The following EPN1 variants were observed in gnomAD, a reference collection of about 807,000 sequenced individuals.
EPN1 encodes the protein epsin-1.
EPN1 carries 25 observed loss-of-function variants against 56.9 expected under a neutral mutation model. The observed-to-expected ratio is 0.44, with a 90% confidence interval of 0.32 to 0.61. EPN1 has a LOEUF of 0.61. EPN1 is among the 20% of genes least tolerant of loss of function. EPN1 has a pLI of 0.05. For synonymous variants in EPN1, 411 were observed against 361.8 expected, an observed-to-expected ratio of 1.14 and a Z score of -1.54; for missense variants, 785 against 823.7, an observed-to-expected ratio of 0.95 and a Z score of 0.58.
At chr19:55,686,776 C>T (rs552659167) in intron 3 of EPN1, among the ~76,000 whole-genome samples, 8 of 151,214 alleles carry the variant, frequency 5.3e-5, no homozygotes, top group East Asian at 2.0e-4. Context: ...GGAGTGTAGG[C>T]GGCAGAGAGG....
rs1385415963 is a variant in EPN1 at position 55,706,714 on chromosome 19, T to TA, written c.*11364dup. On this transcript the variant is annotated 3_prime_UTR_variant, in exon 11 of 11. Transcript: ENST00000270460. The stretch of plus-strand genomic sequence containing the variant: ...TAAAAAACAATAGTAAAGAGAGATT[T>TA]AAAAAACAATAGTAAAGAGAGATTA... 6 of 150,280 alleles carry TA rather than the reference T, an allele frequency of 4.0e-5. No homozygotes were observed. The highest frequency in any genetic ancestry group is 3.3e-4 in the Admixed American group (5 of 15,068). The allele number at this position is 150,280 out of a possible 1,614,324, so 9.3% of individuals were successfully genotyped here.
At chr19:55,678,453 C>T (rs1985581988) in intron 1 of EPN1, 74 bp from the exon 2 acceptor site, 9 of 1,403,012 alleles carry the variant, frequency 6.4e-6, no homozygotes, top group Non-Finnish European at 8.5e-6. Context: ...CAGTTAGGAA[C>T]TCATCTTTGA....
At chr19:55,687,874 G>A (rs1026594689) in intron 3 of EPN1, among the ~76,000 whole-genome samples, 2 of 152,214 alleles carry the variant, frequency 1.3e-5, no homozygotes, top group African/African-American at 4.8e-5. Context: ...CCCTGGACCC[G>A]GTGCAGGTGG....
rs1462713228 is a variant in EPN1, at chr19:55,702,494, G to A, written c.*7138G>A. The stretch of plus-strand genomic sequence containing the variant: ...TCACTGGGGCCCATCTATGTATGTG[G>A]CTTGGTGATTACCCAGGAACCTCCC... On this transcript the variant is annotated 3_prime_UTR_variant, in exon 11 of 11. Coordinates refer to ENST00000270460, the MANE Select transcript of EPN1 (RefSeq NM_001130072.2). The A allele has an allele frequency of 6.6e-6, 1 of 152,172 alleles. No individual in the cohort carries two copies. The highest frequency in any genetic ancestry group is 6.5e-5 in the Admixed American group (1 of 15,282). 9.4% of individuals were successfully genotyped at this position (152,172 alleles called of 1,614,324 possible).
At position 55,695,737 on chromosome 19, in the gene EPN1, G is replaced by C. The variant is rs951597987; in HGVS notation, c.*381G>C. The C allele has an allele frequency of 9.7e-6, 2 of 205,200 alleles. No individual in the cohort carries two copies. The highest frequency in any genetic ancestry group is 4.6e-5 in the African/African-American group (2 of 43,300). 12.7% of individuals were successfully genotyped at this position (205,200 alleles called of 1,614,324 possible). ...CTTGGTGATGATTTTGGCAACTTTG[G>C]GAATAAATGGCAATTCCCACGGGCT... On this transcript the variant is annotated 3_prime_UTR_variant, in exon 11 of 11. Transcript: ENST00000270460. The surrounding 1 kb of genome is among the most constrained non-coding windows in gnomAD (Gnocchi z 4.4).
At chr19:55,690,402 G>A (rs749801223) in intron 6 of EPN1, among the ~76,000 whole-genome samples, 1 of 152,244 alleles carries the variant, frequency 6.6e-6, no homozygotes, top group Non-Finnish European at 1.5e-5. Flanking sequence ...CGCGAACACT[G>A]TTTCTGTGGC....
rs904639011 is a variant in EPN1 at position 55,707,180 on chromosome 19, C to G, written c.*11824C>G. The G allele has an allele frequency of 2.7e-5, 4 of 146,136 alleles. No homozygotes were observed. Among genetic ancestry groups the G allele is most frequent in the Admixed American group, 2.7e-4 (4 of 14,664 alleles). 9.1% of individuals were successfully genotyped at this position (146,136 alleles called of 1,614,324 possible). A position where few individuals can be genotyped will look rare whatever the true frequency, so the allele number is the denominator to read the frequency against. On this transcript the variant is annotated 3_prime_UTR_variant, in exon 11 of 11. Coordinates refer to ENST00000270460, the MANE Select transcript of EPN1 (RefSeq NM_001130072.2). ...TGGGCGAGCAACAGAGTGAGGCTGTCTCTCAAAAAAAAAAAAAAAGGAACG... is the reference window on the plus strand; with the variant it reads ...TGGGCGAGCAACAGAGTGAGGCTGTGTCTCAAAAAAAAAAAAAAAGGAACG...
chr19:55,685,959 C>A (rs1459895131), intron 3 of EPN1, among the ~76,000 whole-genome samples: 1 of 152,358 alleles, frequency 6.6e-6, no homozygotes, highest in East Asian at 1.9e-4. Context: ...GGACAGGGCT[C>A]TGAGGGGACA....
intron 1 of EPN1, among the ~76,000 whole-genome samples, chr19:55,675,896 A>G (rs1985379175): frequency 6.6e-6 from 1 of 151,890 alleles, no homozygotes; most frequent in African/African-American, 2.4e-5. Flanking sequence ...TTGCCCCCAT[A>G]CCTATCACCT....
At chr19:55,680,494 TTCC>T (rs1985738782) in intron 2 of EPN1, among the ~76,000 whole-genome samples, 1 of 152,162 alleles carries the variant, frequency 6.6e-6, no homozygotes. Flanking sequence ...GAACCACTGG[TTCC>T]TCATGCTGGG....
In EPN1 at chr19:55,694,516, C is replaced by G. The variant is rs1281028851; in HGVS notation, c.1265-210C>G. On this transcript the variant is annotated intron_variant, in intron 9 of 10. Transcript: ENST00000270460. This position sits in a 1 kb window ranked among gnomAD's most constrained non-coding sequence, Gnocchi z 4.2. The stretch of plus-strand genomic sequence containing the variant: ...CTGTCATCCCTCTTGTGTTTGCTCA[C>G]TGGAATCAGACCCACCTTATGGGAA... 2.0e-6 allele frequency: 1 copy of G among 491,132 alleles called. No individual in the cohort carries two copies. Among genetic ancestry groups the G allele is most frequent in the Non-Finnish European group, 3.4e-6 (1 of 290,606 alleles). The allele number at this position is 491,132 out of a possible 1,614,324, so 30.4% of individuals were successfully genotyped here.
At chr19:55,688,013 T>A (rs1381933882) in intron 3 of EPN1, among the ~76,000 whole-genome samples, 1 of 152,038 alleles carries the variant, frequency 6.6e-6, no homozygotes, top group East Asian at 1.9e-4. Flanking sequence ...CAAGGCGGCG[T>A]CTTGGAGCTG....
Position 55,689,816 on chromosome 19 carries a change from G to T in EPN1, c.679-51G>T. 6.5e-7 allele frequency: 1 copy of T among 1,538,504 alleles called. No individual in the cohort carries two copies. The highest frequency in any genetic ancestry group is 1.4e-5 in the African/African-American group (1 of 73,252). ...GGGCTTCCAGGCTGAGGTGGCATCT[G>T]CCCGTGGCTCACGTTCTCATGTCTC... On this transcript the variant is annotated intron_variant, in intron 5 of 10. Transcript: ENST00000270460. The surrounding 1 kb of genome is among the most constrained non-coding windows in gnomAD (Gnocchi z 5.7).
At position 55,689,240 on chromosome 19, in the gene EPN1, C is replaced by A. The variant is rs1250510827; in HGVS notation, c.604-57C>A. 8.3e-6 allele frequency: 11 copies of A among 1,329,960 alleles called. No homozygotes were observed. The African/African-American group carries it at 1.6e-4, about 19-fold the overall frequency. 82.4% of individuals were successfully genotyped at this position (1,329,960 alleles called of 1,614,324 possible). ...TCGGCTCTATCTGACCCTGGCTCTG[C>A]CTCTGACTCTGCCTCTGGCCCCTCC... is the stretch of plus-strand genomic sequence containing the variant. On this transcript the variant is annotated intron_variant, in intron 4 of 10. Transcript: ENST00000270460. This position sits in a 1 kb window ranked among gnomAD's most constrained non-coding sequence, Gnocchi z 5.7.
chr19:55,677,848 C>T (rs116764574), intron 1 of EPN1: 210 of 1,310,928 alleles, frequency 1.6e-4, no homozygotes, highest in Non-Finnish European at 3.8e-5. Flanking sequence ...AGAGGTCTTT[C>T]CTGCCCTCCC....
In EPN1 at chr19:55,704,516, C is replaced by T. The variant is rs1338972228; in HGVS notation, c.*9160C>T. On this transcript the variant is annotated 3_prime_UTR_variant, in exon 11 of 11. Transcript: ENST00000270460. Reference sequence around the variant, plus strand: ...GCCTTGGCGGAAGCCAACCCTGCAGCACCTTCATCTTGAATTTCTGGTTTC... The same window carrying T: ...GCCTTGGCGGAAGCCAACCCTGCAGTACCTTCATCTTGAATTTCTGGTTTC... 1.3e-5 allele frequency: 2 copies of T among 152,228 alleles called. No individual in the cohort carries two copies. Among genetic ancestry groups the T allele is most frequent in the Non-Finnish European group, 2.9e-5 (2 of 68,068 alleles). The allele number at this position is 152,228 out of a possible 1,614,324, so 9.4% of individuals were successfully genotyped here.
chr19:55,688,165 A>C (rs1018489552), intron 3 of EPN1, among the ~76,000 whole-genome samples: 9 of 152,090 alleles, frequency 5.9e-5, no homozygotes, highest in African/African-American at 2.2e-4. Flanking sequence ...TGTCCTCTGC[A>C]CTGTGGAGGG....
chr19:55,689,611 A>G lies in EPN1; in HGVS notation c.678+240A>G, dbSNP rs775036160. 2.0e-5 allele frequency among the ~76,000 whole-genome samples: 3 copies of G among 151,920 alleles called. No individual in the cohort carries two copies. The highest frequency in any genetic ancestry group is 4.4e-5 in the Non-Finnish European group (3 of 67,952). On this transcript the variant is annotated intron_variant, in intron 5 of 10. Coordinates refer to ENST00000270460, the MANE Select transcript of EPN1 (RefSeq NM_001130072.2). The surrounding 1 kb of genome is among the most constrained non-coding windows in gnomAD (Gnocchi z 5.7). ...TGACCAGGGTCCCTTCCTCCCCCCAACGCAGGAGATACCACCGAGGCGGGT... is the reference window on the plus strand; with the variant it reads ...TGACCAGGGTCCCTTCCTCCCCCCAGCGCAGGAGATACCACCGAGGCGGGT...
rs1403552266 is a variant in EPN1 at position 55,697,755 on chromosome 19, C to G, written c.*2399C>G. On this transcript the variant is annotated 3_prime_UTR_variant, in exon 11 of 11. Coordinates refer to ENST00000270460, the MANE Select transcript of EPN1 (RefSeq NM_001130072.2). ...TCAGCAGGAGCTGCTGTGTAGGAGTCCCCCATGAGGCCCAAGCACCTGAGC... is the reference window on the plus strand; with the variant it reads ...TCAGCAGGAGCTGCTGTGTAGGAGTGCCCCATGAGGCCCAAGCACCTGAGC... 1 of 152,102 alleles carries G rather than the reference C, an allele frequency of 6.6e-6. No individual in the cohort carries two copies. Among genetic ancestry groups the G allele is most frequent in the Admixed American group, 6.5e-5 (1 of 15,272 alleles). The allele number at this position is 152,102 out of a possible 1,614,324, so 9.4% of individuals were successfully genotyped here. A position where few individuals can be genotyped will look rare whatever the true frequency, so the allele number is the denominator to read the frequency against.
Sources: gnomAD v4.1 joint callset for allele counts (sites outside exome capture counted in the v4.1 genomes callset) on GRCh38, gnomAD v4.1.1 for gene constraint, Gnocchi (gnomAD v3.1) non-coding constraint, MANE v1.5 for transcripts, NCBI Gene and HGNC (gene_info 2026-07-23, HGNC 2026-07-21) for gene names.